RPS6KA2: variants seen among roughly 807,000 people sequenced by gnomAD.
RPS6KA2 encodes ribosomal protein S6 kinase alpha-2.
In RPS6KA2, 42 loss-of-function variants were observed where a neutral mutation model predicts 91.8. That is an observed-to-expected ratio of 0.46 (90% CI 0.36 to 0.59). RPS6KA2 has a LOEUF of 0.59. Ranked by LOEUF, RPS6KA2 falls within the 20% of genes least tolerant of loss-of-function variation. RPS6KA2 has a pLI of 0.00. For missense variants in RPS6KA2, 798 were observed against 978.5 expected (o/e 0.82, Z 2.46); for synonymous variants, 414 against 393.6 (o/e 1.05, Z -0.61).
intron 2 of RPS6KA2, among the ~76,000 whole-genome samples, chr6:166,753,813 C>T (rs904399486): frequency 4.6e-5 from 7 of 152,296 alleles, no homozygotes; most frequent in East Asian, 1.9e-4. Context: ...TGAGCTATCA[C>T]GGTTAATAAT....
At chr6:166,851,298 G>A (rs181270250) in intron 2 of RPS6KA2, among the ~76,000 whole-genome samples, 5 of 152,284 alleles carry the variant, frequency 3.3e-5, no homozygotes, top group African/African-American at 9.6e-5. Context: ...GGATCTCATC[G>A]CCTTCTCCAA....
At chr6:166,680,926 C>T (rs376143426) in intron 2 of RPS6KA2, among the ~76,000 whole-genome samples, 2 of 152,204 alleles carry the variant, frequency 1.3e-5, no homozygotes, top group Non-Finnish European at 2.9e-5. Context: ...GCCTTGCTGC[C>T]CCTCTCCTCC....
chr6:166,550,740 C>A (rs532484108), intron 1 of RPS6KA2, among the ~76,000 whole-genome samples: 4 of 152,110 alleles, frequency 2.6e-5, no homozygotes, highest in East Asian at 3.9e-4. Flanking sequence ...CGATGGCTCA[C>A]GCCTGTAATC....
chr6:166,809,824 C>T (rs140944045), intron 2 of RPS6KA2, among the ~76,000 whole-genome samples: 25 of 152,330 alleles, frequency 1.6e-4, no homozygotes, highest in African/African-American at 5.5e-4. Context: ...GAACTTCATT[C>T]CTGAGAACGT....
At chr6:166,507,031 C>A (rs1583218059) in intron 5 of RPS6KA2, among the ~76,000 whole-genome samples, 1 of 152,026 alleles carries the variant, frequency 6.6e-6, no homozygotes, top group African/African-American at 2.4e-5. Flanking sequence ...CACTGGAGGT[C>A]AAGGAGAAGC....
At chr6:166,782,324 G>A (rs533901133) in intron 2 of RPS6KA2, among the ~76,000 whole-genome samples, 4 of 152,272 alleles carry the variant, frequency 2.6e-5, no homozygotes, top group African/African-American at 4.8e-5. Context: ...GTCTCTAGAC[G>A]TTGCCAAATG....
chr6:166,678,957 C>T (rs1788698799), intron 2 of RPS6KA2, among the ~76,000 whole-genome samples: 1 of 152,118 alleles, frequency 6.6e-6, no homozygotes, highest in African/African-American at 2.4e-5. Context: ...TTGAGTATGA[C>T]TTTTTTTGAT....
At chr6:166,441,980 C>G (rs1430027274) in intron 14 of RPS6KA2, among the ~76,000 whole-genome samples, 1 of 152,188 alleles carries the variant, frequency 6.6e-6, no homozygotes, top group African/African-American at 2.4e-5. Context: ...GGCTGCCGCT[C>G]AGCACTTACA....
intron 2 of RPS6KA2, among the ~76,000 whole-genome samples, chr6:166,848,660 C>T (rs1780663208): frequency 6.6e-6 from 1 of 152,096 alleles, no homozygotes; most frequent in African/African-American, 2.4e-5. Flanking sequence ...GAATGGAAAA[C>T]CAAACATCGT....
chr6:166,560,163 G>A (rs1481115056), intron 1 of RPS6KA2, among the ~76,000 whole-genome samples: 1 of 152,158 alleles, frequency 6.6e-6, no homozygotes, highest in Non-Finnish European at 1.5e-5. Context: ...ATAGGCCATG[G>A]AAAGAAGCCA....
At chr6:166,858,288 G>A in intron 1 of RPS6KA2, 1 of 1,362,490 alleles carries the variant, frequency 7.3e-7, no homozygotes, top group Non-Finnish European at 1.0e-6. Context: ...GTTAAAGATG[G>A]TTAGCATTGC....
At chr6:166,413,241 G>A (rs1269592974) in intron 20 of RPS6KA2, among the ~76,000 whole-genome samples, 1 of 152,158 alleles carries the variant, frequency 6.6e-6, no homozygotes, top group East Asian at 1.9e-4. Context: ...GGCTCGCTGG[G>A]TCCTAGGGGA....
In RPS6KA2 at chr6:166,445,823, C is replaced by T. The variant is rs1779662041; in HGVS notation, c.1332+2901G>A. Among the ~76,000 whole-genome samples the T allele has an allele frequency of 1.3e-5, 2 of 152,170 alleles. No individual in the cohort carries two copies. The highest frequency in any genetic ancestry group is 1.3e-4 in the Admixed American group (2 of 15,284). On this transcript the variant is annotated intron_variant, in intron 14 of 20. Transcript: ENST00000265678. This position sits in a 1 kb window ranked among gnomAD's most constrained non-coding sequence, Gnocchi z 4.5. ...GGATCGTATACGGCTCAAGCGGCAA[C>T]TGGGAGTGGTAAAGCCGGATTCTAG...
In RPS6KA2 at chr6:166,445,187, T is replaced by C. The variant is rs1779638308; in HGVS notation, c.1332+3537A>G. 6.6e-6 allele frequency among the ~76,000 whole-genome samples: 1 copy of C among 151,854 alleles called. No homozygotes were observed. The highest frequency in any genetic ancestry group is 2.4e-5 in the African/African-American group (1 of 41,324). The stretch of plus-strand genomic sequence containing the variant: ...GTGAAGAGCTGGCCCCACTCTCCTC[T>C]TAGAAGGACCTGCACTTTAAGTCAC... On this transcript the variant is annotated intron_variant, in intron 14 of 20. Transcript: ENST00000265678. The surrounding 1 kb of genome is among the most constrained non-coding windows in gnomAD (Gnocchi z 4.5).
At position 166,626,777 on chromosome 6, in the gene RPS6KA2, C is replaced by G; in HGVS notation, c.99+144G>C. 6.4e-6 allele frequency: 4 copies of G among 628,404 alleles called. No homozygotes were observed. The highest frequency in any genetic ancestry group is 4.6e-6 in the Non-Finnish European group (2 of 430,962). 38.9% of individuals were successfully genotyped at this position (628,404 alleles called of 1,614,324 possible). ...CGATAACGTTTGGAGCCGTTTGGTTCGATTTTCGGAACCGGACCAGCTTTC... is the reference window on the plus strand; with the variant it reads ...CGATAACGTTTGGAGCCGTTTGGTTGGATTTTCGGAACCGGACCAGCTTTC... On this transcript the variant is annotated intron_variant, in intron 1 of 20. Coordinates refer to ENST00000265678, the MANE Select transcript of RPS6KA2 (RefSeq NM_021135.6). This position sits in a 1 kb window ranked among gnomAD's most constrained non-coding sequence, Gnocchi z 4.1.
chr6:166,500,795 G>C lies in RPS6KA2; in HGVS notation c.604+92C>G, dbSNP rs903520036. On this transcript the variant is annotated intron_variant, in intron 7 of 20. Coordinates refer to ENST00000265678, the MANE Select transcript of RPS6KA2 (RefSeq NM_021135.6). This position sits in a 1 kb window ranked among gnomAD's most constrained non-coding sequence, Gnocchi z 4.3. ...CAAGCATCTGGCAAAGGGAAGGGCG[G>C]TGTAAATAAGAGGGCTTGGGCTTTG... 1.7e-6 allele frequency: 2 copies of C among 1,160,608 alleles called. No individual in the cohort carries two copies. The highest frequency in any genetic ancestry group is 1.5e-5 in the African/African-American group (1 of 65,554). 71.9% of individuals were successfully genotyped at this position (1,160,608 alleles called of 1,614,324 possible).
intron 2 of RPS6KA2, among the ~76,000 whole-genome samples, chr6:166,777,889 T>TA (rs549478796): frequency 6.6e-6 from 1 of 152,132 alleles, no homozygotes; most frequent in Non-Finnish European, 1.5e-5. Flanking sequence ...AAGAGACATC[T>TA]AAAAAAATGT....
rs866956037 is a variant in RPS6KA2, at chr6:166,418,302, C to T, written c.1861G>A (p.Glu621Lys). ...FANGPDDTPEEILARIGSGKY... is the reference protein window; with the variant it reads ...FANGPDDTPEKILARIGSGKY... ...CCACTGCCGATCCGCGCCAGAATCTCCTCAGGGGTATCGTCTGGCCCATTT... is the reference window on the plus strand; with the variant it reads ...CCACTGCCGATCCGCGCCAGAATCTTCTCAGGGGTATCGTCTGGCCCATTT... Residue 621 changes from glutamate to lysine, a missense_variant, in exon 19 of 21, where the codon GAG becomes AAG. Glu to Lys is a moderately conservative substitution (Grantham distance 56). Coordinates refer to ENST00000265678, the MANE Select transcript of RPS6KA2 (RefSeq NM_021135.6). The surrounding 1 kb of genome is among the most constrained non-coding windows in gnomAD (Gnocchi z 4.9). 6.2e-6 allele frequency: 10 copies of T among 1,614,026 alleles called. No individual in the cohort carries two copies. The Middle Eastern group carries it at 1.5e-3, about 240-fold the overall frequency.
chr6:166,445,380 T>C lies in RPS6KA2; in HGVS notation c.1332+3344A>G, dbSNP rs1031463443. Among the ~76,000 whole-genome samples, 2 of 152,202 alleles carry C rather than the reference T, an allele frequency of 1.3e-5. No homozygotes were observed. The highest frequency in any genetic ancestry group is 1.9e-4 in the East Asian group (1 of 5,192). On this transcript the variant is annotated intron_variant, in intron 14 of 20. Transcript: ENST00000265678. This position sits in a 1 kb window ranked among gnomAD's most constrained non-coding sequence, Gnocchi z 4.5. ...ATCAACCTCCTGGCCTTTATCTACATGAGACCTGCTCTCACCCACAAGGAT... is the reference window on the plus strand; with the variant it reads ...ATCAACCTCCTGGCCTTTATCTACACGAGACCTGCTCTCACCCACAAGGAT...
Sources: gnomAD v4.1 joint callset for allele counts (sites outside exome capture counted in the v4.1 genomes callset) on GRCh38, gnomAD v4.1.1 for gene constraint, Gnocchi (gnomAD v3.1) non-coding constraint, MANE v1.5 for transcripts, NCBI Gene and HGNC (gene_info 2026-07-23, HGNC 2026-07-21) for gene names.